CSTL1: variants seen among roughly 807,000 people sequenced by gnomAD.
The protein encoded by CSTL1 is cystatin-like 1.
Under a neutral mutation model 14.4 loss-of-function variants are expected in CSTL1, and 14 were observed. The ratio of observed to expected loss-of-function variants is 0.97; its 90% CI spans 0.64 to 1.52. CSTL1 has a LOEUF of 1.52. Ranked by LOEUF, CSTL1 falls within the 40% of genes most tolerant of loss-of-function variation. The probability of loss-of-function intolerance (pLI) is 0.00; values close to 1 mark genes in which losing one functional copy is unlikely to be tolerated. For missense variants in CSTL1, 170 were observed against 168.7 expected (o/e 1.01, Z -0.04); for synonymous variants, 72 against 67.5 (o/e 1.07, Z -0.33).
At chr20:23,446,378 C>T (rs1377570155), downstream of CSTL1, among the ~76,000 whole-genome samples, 3 of 152,182 alleles carry the variant, frequency 2.0e-5, no homozygotes, top group Non-Finnish European at 2.9e-5. Flanking sequence ...GCCTCAGCCT[C>T]CCTAGTAGCT....
chr20:23,459,993 T>G, the CSTL1 span, among the ~76,000 whole-genome samples: 31 of 152,304 alleles, frequency 2.0e-4, no homozygotes, highest in Non-Finnish European at 2.5e-4. Flanking sequence ...AGGAACAAAC[T>G]CACAAGACAA....
At chr20:23,445,739 T>A (rs1271692621), downstream of CSTL1, among the ~76,000 whole-genome samples, 1 of 152,198 alleles carries the variant, frequency 6.6e-6, no homozygotes, top group East Asian at 1.9e-4. Flanking sequence ...CACATTTTTG[T>A]GAGTGTGTCT....
downstream of CSTL1, among the ~76,000 whole-genome samples, chr20:23,447,909 G>C (rs1002517361): frequency 1.3e-5 from 2 of 151,964 alleles, no homozygotes; most frequent in Admixed American, 6.6e-5. Context: ...CTTACTTATC[G>C]ATTTAAATCT....
At chr20:23,460,287 A>G in the CSTL1 span, among the ~76,000 whole-genome samples, 376 of 152,322 alleles carry the variant, frequency 2.5e-3, 2 homozygotes, top group Non-Finnish European at 4.1e-3. Flanking sequence ...AAGCCTCAGT[A>G]GAATCCAGAG....
the CSTL1 span, chr20:23,452,621 T>G: frequency 6.2e-7 from 1 of 1,613,770 alleles, no homozygotes; most frequent in African/African-American, 1.3e-5. Flanking sequence ...GATCCTGAAG[T>G]GGTACTTGTC....
At chr20:23,445,023 C>T, downstream of CSTL1, 1 of 658,086 alleles carries the variant, frequency 1.5e-6, no homozygotes, top group Non-Finnish European at 2.8e-6. Flanking sequence ...CTTACCTTCA[C>T]AACCCACACA....
At chr20:23,440,554 TG>T in intron 2 of CSTL1, 68 bp downstream of exon 2, 2 of 1,225,312 alleles carry the variant, frequency 1.6e-6, no homozygotes, top group Non-Finnish European at 2.4e-6. Flanking sequence ...GTGAGGATTC[TG>T]GGGTAGCTCC....
chr20:23,440,300 G>A lies in CSTL1; in HGVS notation c.33G>A (p.Leu11=), dbSNP rs1986796038. The A allele has an allele frequency of 2.5e-6, 4 of 1,614,192 alleles. No homozygotes were observed. Among genetic ancestry groups the A allele is most frequent in the South Asian group, 1.1e-5 (1 of 91,086 alleles). ...TCGGATGCTGGAGAAACCCCCTGCTGCTGCTGATTGCCCTGGTCCTGTCAG... is the reference window on the plus strand; with the variant it reads ...TCGGATGCTGGAGAAACCCCCTGCTACTGCTGATTGCCCTGGTCCTGTCAG... MGIGCWRNPL[L]LLIALVLSAK... Residue 11 remains leucine (L), a synonymous_variant, in exon 2 of 4, where the codon CTG becomes CTA. Transcript: ENST00000347397.
At chr20:23,451,888 C>T in the CSTL1 span, 1 of 1,613,920 alleles carries the variant, frequency 6.2e-7, no homozygotes, top group Non-Finnish European at 8.5e-7. Context: ...ACTGCATTTC[C>T]ACATTCAGGT....
chr20:23,448,788 C>T (rs1987014933), downstream of CSTL1, among the ~76,000 whole-genome samples: 1 of 152,118 alleles, frequency 6.6e-6, no homozygotes, highest in Admixed American at 6.5e-5. Flanking sequence ...AAATTACTAC[C>T]ACTGCCACTG....
chr20:23,451,797 A>C, the CSTL1 span: 2 of 1,585,786 alleles, frequency 1.3e-6, no homozygotes, highest in Non-Finnish European at 1.7e-6. Context: ...GTCTACGTTA[A>C]AGTGCTTTTA....
At chr20:23,457,999 T>A in the CSTL1 span, among the ~76,000 whole-genome samples, 4 of 152,214 alleles carry the variant, frequency 2.6e-5, no homozygotes, top group East Asian at 5.8e-4. Flanking sequence ...ATGTCTCAGT[T>A]CCACACTCCA....
chr20:23,443,207 T>C lies in CSTL1; in HGVS notation c.220-727T>C, dbSNP rs530569748. On this transcript the variant is annotated intron_variant, in intron 2 of 3. Coordinates refer to ENST00000347397, the MANE Select transcript of CSTL1 (RefSeq NM_138283.1). ...CTGCAGGGGGTAAAGCCAGATTTTG[T>C]GTTCTGTCACTCTCCTAACACTGAA... is the stretch of plus-strand genomic sequence containing the variant. 2.0e-5 allele frequency among the ~76,000 whole-genome samples: 3 copies of C among 152,348 alleles called. No homozygotes were observed. In the South Asian group the frequency reaches 6.2e-4, roughly 32 times the overall value.
At chr20:23,451,547 G>GC in the CSTL1 span, among the ~76,000 whole-genome samples, 2 of 152,060 alleles carry the variant, frequency 1.3e-5, no homozygotes, top group Admixed American at 1.3e-4. Flanking sequence ...TGCTTCCCTC[G>GC]CCCCAGAGTG....
At position 23,444,832 on chromosome 20, in the gene CSTL1, A is replaced by G. The variant is rs1986930590; in HGVS notation, c.392A>G (p.Asn131Ser). 1 of 1,614,130 alleles carries G rather than the reference A, an allele frequency of 6.2e-7. No homozygotes were observed. Residue 131 changes from asparagine (N) to serine (S), a missense_variant, in exon 4 of 4, where the codon AAC becomes AGC. By Grantham distance (46) the Asn-to-Ser change is conservative. Transcript: ENST00000347397. Reference sequence around the variant, plus strand: ...TGGATAAACTATTTCCAGCTCTGGAACAATTCCTGTCTGGAGGCCGAGCAT... The same window carrying G: ...TGGATAAACTATTTCCAGCTCTGGAGCAATTCCTGTCTGGAGGCCGAGCAT... ...MPWINYFQLW[N>S]NSCLEAEHVG...
chr20:23,448,876 A>G (rs1218973280), downstream of CSTL1, among the ~76,000 whole-genome samples: 1 of 152,176 alleles, frequency 6.6e-6, no homozygotes, highest in Non-Finnish European at 1.5e-5. Flanking sequence ...ATTTATATGC[A>G]TTATCATCAT....
At chr20:23,458,443 C>T in the CSTL1 span, 7 of 152,182 alleles carry the variant, frequency 4.6e-5, no homozygotes, top group Non-Finnish European at 1.0e-4. Context: ...ATGTTCCTGC[C>T]CTGCTAAATC....
the CSTL1 span, among the ~76,000 whole-genome samples, chr20:23,457,106 C>T: frequency 2.6e-5 from 4 of 152,174 alleles, no homozygotes; most frequent in African/African-American, 4.8e-5. Flanking sequence ...TTCCGGCTGC[C>T]GGTTGCTCTT....
At chr20:23,447,699 G>A (rs138749664), downstream of CSTL1, among the ~76,000 whole-genome samples, 916 of 152,158 alleles carry the variant, frequency 6.0e-3, 9 homozygotes, top group African/African-American at 0.02. Flanking sequence ...GACCTCAGGC[G>A]ATCCACCCGC....
Sources: gnomAD v4.1 joint callset for allele counts (sites outside exome capture counted in the v4.1 genomes callset) on GRCh38, gnomAD v4.1.1 for gene constraint, MANE v1.5 for transcripts, NCBI Gene and HGNC (gene_info 2026-07-23, HGNC 2026-07-21) for gene names.